The following SUGCT variants were observed in gnomAD, a reference collection of about 807,000 sequenced individuals.
SUGCT encodes succinyl-CoA:glutarate-CoA transferase.
In SUGCT, 41 loss-of-function variants were observed where a neutral mutation model predicts 55.0. The ratio of observed to expected loss-of-function variants is 0.74; its 90% CI spans 0.58 to 0.97. SUGCT has a LOEUF of 0.97. SUGCT is among the 50% of genes least tolerant of loss of function. The pLI, the probability that SUGCT is intolerant of heterozygous loss-of-function variation, is 0.00. For synonymous variants in SUGCT, 187 were observed against 200.4 expected, an observed-to-expected ratio of 0.93 and a Z score of 0.56; for missense variants, 568 against 547.8, an observed-to-expected ratio of 1.04 and a Z score of -0.37.
At chr7:40,364,242 C>T (rs1783804193) in intron 9 of SUGCT, among the ~76,000 whole-genome samples, 1 of 152,146 alleles carries the variant, frequency 6.6e-6, no homozygotes, top group South Asian at 2.1e-4. Context: ...GAATACAACA[C>T]ACTGATGGGT....
the SUGCT span, among the ~76,000 whole-genome samples, chr7:40,884,398 T>C: frequency 6.6e-6 from 1 of 152,216 alleles, no homozygotes; most frequent in South Asian, 2.1e-4. Context: ...GAACAAATGG[T>C]TTTGGATCCC....
the SUGCT span, among the ~76,000 whole-genome samples, chr7:40,901,589 C>T: frequency 3.6e-4 from 55 of 152,198 alleles, no homozygotes; most frequent in African/African-American, 1.2e-3. Context: ...TGATTTCTGG[C>T]GATTTCCAAC....
At chr7:41,005,451 G>GA in the SUGCT span, among the ~76,000 whole-genome samples, 1 of 152,184 alleles carries the variant, frequency 6.6e-6, no homozygotes, top group Non-Finnish European at 1.5e-5. Flanking sequence ...CCCAAGGAAG[G>GA]AGAAGGGCCA....
At chr7:40,977,197 G>A in the SUGCT span, among the ~76,000 whole-genome samples, 2 of 152,180 alleles carry the variant, frequency 1.3e-5, no homozygotes, top group African/African-American at 2.4e-5. Flanking sequence ...CCATTTGGCC[G>A]ATCCTCTGGC....
chr7:40,959,140 G>A, the SUGCT span, among the ~76,000 whole-genome samples: 1 of 152,318 alleles, frequency 6.6e-6, no homozygotes, highest in Non-Finnish European at 1.5e-5. Flanking sequence ...AGGAGGCACA[G>A]GGGTCAGGGA....
intron 9 of SUGCT, among the ~76,000 whole-genome samples, chr7:40,420,148 G>A (rs1787227979): frequency 6.6e-6 from 1 of 152,246 alleles, no homozygotes; most frequent in Non-Finnish European, 1.5e-5. Flanking sequence ...CAGCAGCTGG[G>A]TGATTTTTGA....
rs1303391532 is a variant in SUGCT at position 40,551,508 on chromosome 7, AACAG to A, written c.1089+55128_1089+55131del. 9.9e-5 allele frequency among the ~76,000 whole-genome samples: 15 copies of A among 152,058 alleles called. No homozygotes were observed. The East Asian group carries it at 2.9e-3, about 29-fold the overall frequency. ...AATCACAGGGAAGTATACAATCTAAAACAGACAGAAAGAGAAATAAATATATATG... is the reference window on the plus strand; with the variant it reads ...AATCACAGGGAAGTATACAATCTAAAACAGAAAGAGAAATAAATATATATG... On this transcript the variant is annotated intron_variant, in intron 12 of 13. Transcript: ENST00000335693.
chr7:40,346,157 G>C (rs1797294311), intron 9 of SUGCT, among the ~76,000 whole-genome samples: 1 of 151,974 alleles, frequency 6.6e-6, no homozygotes, highest in Non-Finnish European at 1.5e-5. Context: ...CTGTTAAACT[G>C]TATAGGCCTA....
chr7:40,341,469 G>A (rs1797042802), intron 9 of SUGCT, among the ~76,000 whole-genome samples: 1 of 152,206 alleles, frequency 6.6e-6, no homozygotes, highest in Admixed American at 6.5e-5. Context: ...TGTGTAAACA[G>A]TGAGGTCCCT....
intron 6 of SUGCT, among the ~76,000 whole-genome samples, chr7:40,223,085 T>G (rs1788133495): frequency 1.3e-5 from 2 of 151,194 alleles, no homozygotes; most frequent in South Asian, 4.2e-4. Flanking sequence ...CTTTTTGAGG[T>G]AGTCTTTCTC....
At chr7:40,372,382 A>ATTTTCTCC (rs1784337158) in intron 9 of SUGCT, among the ~76,000 whole-genome samples, 1 of 152,118 alleles carries the variant, frequency 6.6e-6, no homozygotes, top group Non-Finnish European at 1.5e-5. Flanking sequence ...AATTGTAAAA[A>ATTTTCTCC]TGTACTGAAT....
intron 6 of SUGCT, among the ~76,000 whole-genome samples, chr7:40,212,517 G>A (rs896953219): frequency 1.3e-5 from 2 of 151,898 alleles, no homozygotes; most frequent in Admixed American, 1.3e-4. Flanking sequence ...CATGTAAATT[G>A]ATGATTATAG....
At chr7:40,909,018 C>T in the SUGCT span, among the ~76,000 whole-genome samples, 1 of 151,982 alleles carries the variant, frequency 6.6e-6, no homozygotes, top group Admixed American at 6.5e-5. Flanking sequence ...CTCTAAAATA[C>T]CCCCAAGACT....
At position 40,653,996 on chromosome 7, in the gene SUGCT, T is replaced by TA. The variant is rs75171760; in HGVS notation, c.1090-95427dup. On this transcript the variant is annotated intron_variant, in intron 12 of 13. Coordinates refer to ENST00000335693, the MANE Select transcript of SUGCT (RefSeq NM_001193313.2). Reference sequence around the variant, plus strand: ...TGGTTAAAACCACAACAACAACAATTAAAAAAAAAAAGGATACCAAAAGGA... The same window carrying TA: ...TGGTTAAAACCACAACAACAACAATTAAAAAAAAAAAAGGATACCAAAAGGA... Among the ~76,000 whole-genome samples, 1,033 of 143,004 alleles carry TA rather than the reference T, an allele frequency of 7.2e-3. 18 individuals carry two copies. Among genetic ancestry groups the TA allele is most frequent in the African/African-American group, 0.023 (898 of 39,158 alleles). The allele number at this position is 143,004 out of a possible 152,430, so 93.8% of individuals were successfully genotyped here. A position where few individuals can be genotyped will look rare whatever the true frequency, so the allele number is the denominator to read the frequency against.
At chr7:40,953,248 T>G in the SUGCT span, among the ~76,000 whole-genome samples, 6 of 152,262 alleles carry the variant, frequency 3.9e-5, no homozygotes, top group African/African-American at 1.4e-4. Context: ...TCGAATCGGC[T>G]ACTGAAGCTT....
rs1785769136 is a variant in SUGCT at position 40,189,564 on chromosome 7, G to C, written c.333G>C (p.Lys111Asn). The change falls in exon 5 of 14, where the codon AAG becomes AAC. Residue 111 changes from lysine (K) to asparagine (N), a missense_variant. Lys to Asn is a moderately conservative substitution (Grantham distance 94). Coordinates refer to ENST00000335693, the MANE Select transcript of SUGCT (RefSeq NM_001193313.2). ...RNKKSIAVNI[K>N]DPKGVKIIKE... The stretch of plus-strand genomic sequence containing the variant: ...TTTAGAGTATTGCTGTTAATATCAA[G>C]GATCCAAAAGGGGTGAAAATCATCA... 1.5e-6 allele frequency: 2 copies of C among 1,365,792 alleles called. No individual in the cohort carries two copies. The allele number at this position is 1,365,792 out of a possible 1,614,324, so 84.6% of individuals were successfully genotyped here. A position where few individuals can be genotyped will look rare whatever the true frequency, so the allele number is the denominator to read the frequency against.
chr7:41,018,890 T>C, the SUGCT span, among the ~76,000 whole-genome samples: 1 of 152,036 alleles, frequency 6.6e-6, no homozygotes, highest in Non-Finnish European at 1.5e-5. Context: ...ACAACATTTA[T>C]ATGATGACTA....
At chr7:41,033,029 T>G in the SUGCT span, among the ~76,000 whole-genome samples, 1 of 152,188 alleles carries the variant, frequency 6.6e-6, no homozygotes, top group Non-Finnish European at 1.5e-5. Context: ...TCCAAAGTCC[T>G]GGGATTACAG....
chr7:40,341,349 A>G lies in SUGCT; in HGVS notation c.816+24494A>G, dbSNP rs61397568. On this transcript the variant is annotated intron_variant, in intron 9 of 13. Coordinates refer to ENST00000335693, the MANE Select transcript of SUGCT (RefSeq NM_001193313.2). ...TTTCAAGGAGTCAAAAAGTTTCACA[A>G]TGCTATTCCAAATTGTGTTACCATG... is the stretch of plus-strand genomic sequence containing the variant. Among the ~76,000 whole-genome samples the G allele has an allele frequency of 2.7e-3, 413 of 152,332 alleles. 2 individuals carry two copies. Among genetic ancestry groups the G allele is most frequent in the African/African-American group, 9.5e-3 (393 of 41,572 alleles).
Sources: allele counts gnomAD v4.1 joint callset (sites outside exome capture counted in the v4.1 genomes callset), GRCh38; gene constraint gnomAD v4.1.1; transcripts MANE v1.5; gene names NCBI Gene and HGNC (gene_info 2026-07-23, HGNC 2026-07-21).